Variants in ANKRD23 observed in about 807,000 individuals in gnomAD.
ANKRD23 encodes the protein ankyrin repeat domain-containing protein 23.
In ANKRD23, 52 loss-of-function variants were observed where a neutral mutation model predicts 38.1. The observed-to-expected ratio is 1.36, with a 90% CI of 1.09 to 1.72. The LOEUF is 1.72. Among genes scored for constraint, ANKRD23 ranks in the 40% most tolerant of loss-of-function variants. The pLI is 0.00. For synonymous variants in ANKRD23, 167 were observed against 162.9 expected (o/e 1.03, Z -0.19); for missense variants, 416 against 400.2 (o/e 1.04, Z -0.34).
intron 3 of ANKRD23, chr2:96,841,208 TTAAGA>T (rs2079756829): frequency 3.0e-6 from 1 of 338,202 alleles, no homozygotes; most frequent in Non-Finnish European, 5.5e-6. Context: ...ATGTAATTAG[TTAAGA>T]TGAGGTCACA....
At position 96,839,061 on chromosome 2, in the gene ANKRD23, G is replaced by A; in HGVS notation, c.*488C>T. The A allele has an allele frequency of 1.0e-6, 1 of 986,922 alleles. No individual in the cohort carries two copies. The highest frequency in any genetic ancestry group is 1.2e-6 in the Non-Finnish European group (1 of 831,026). The allele number at this position is 986,922 out of a possible 1,614,324, so 61.1% of individuals were successfully genotyped here. A position where few individuals can be genotyped will look rare whatever the true frequency, so the allele number is the denominator to read the frequency against. ...GACAGGCCCGGCCCCTGCATGGCCT[G>A]CCTTGGCTGCACCTTGTACATCCTG... is the stretch of plus-strand genomic sequence containing the variant. On this transcript the variant is annotated 3_prime_UTR_variant, in exon 9 of 9. Transcript: ENST00000318357.
chr2:96,839,930 C>T, intron 7 of ANKRD23, 67 bp downstream of exon 7: 1 of 1,549,732 alleles, frequency 6.5e-7, no homozygotes, highest in Non-Finnish European at 8.7e-7. Context: ...CTGGTCCTGG[C>T]TGGGGCTCCT....
chr2:96,838,010 C>T lies in ANKRD23; in HGVS notation c.*1539G>A, dbSNP rs111495538. The T allele has an allele frequency of 0.016, 2,397 of 152,416 alleles. 30 individuals carry two copies. The highest frequency in any genetic ancestry group is 0.025 in the Non-Finnish European group (1,669 of 68,060). 9.4% of individuals were successfully genotyped at this position (152,416 alleles called of 1,614,324 possible). ...CCTCATTTTCTAGATGAGGAGTTGT[C>T]TTCTCCATGGTCTTGAACGCCTGCT... On this transcript the variant is annotated 3_prime_UTR_variant, in exon 9 of 9. Transcript: ENST00000318357.
intron 7 of ANKRD23, 56 bp downstream of exon 7, chr2:96,839,941 C>G: frequency 6.5e-7 from 1 of 1,549,932 alleles, no homozygotes; most frequent in Non-Finnish European, 8.7e-7. Context: ...TGGGGCTCCT[C>G]AGTCCCTGCT....
intron 7 of ANKRD23, 30 bp downstream of exon 7, chr2:96,839,967 G>C (rs373335348): frequency 1.9e-6 from 3 of 1,551,404 alleles, no homozygotes; most frequent in South Asian, 1.2e-5. Flanking sequence ...GGAGCTGTCC[G>C]AGCCGGAAAA....
In ANKRD23 at chr2:96,839,333, A is replaced by C; in HGVS notation, c.*216T>G. The C allele has an allele frequency of 2.4e-6, 3 of 1,245,288 alleles. No individual in the cohort carries two copies. The highest frequency in any genetic ancestry group is 3.0e-6 in the Non-Finnish European group (3 of 996,502). 77.1% of individuals were successfully genotyped at this position (1,245,288 alleles called of 1,614,324 possible). On this transcript the variant is annotated 3_prime_UTR_variant, in exon 9 of 9. Coordinates refer to ENST00000318357, the MANE Select transcript of ANKRD23 (RefSeq NM_144994.8). ...TCCTCTGCTCCAGCCCTGGGAGGGA[A>C]CGCGGCTCCCCTGACACTCGAAGCC...
At position 96,840,832 on chromosome 2, in the gene ANKRD23, A is replaced by T. The variant is rs1012077666; in HGVS notation, c.381T>A (p.Ile127=). ...CCCCTCCGTCTGTCAAGTACTTGTCAATCAGGTACTCCTGGTTCTCAGCAG... is the reference window on the plus strand; with the variant it reads ...CCCCTCCGTCTGTCAAGTACTTGTCTATCAGGTACTCCTGGTTCTCAGCAG... ...KAAAENQEYL[I]DKYLTDGGDP... Residue 127 remains isoleucine, a synonymous_variant, in exon 4 of 9, where the codon ATT becomes ATA. Transcript: ENST00000318357. 3 of 1,614,046 alleles carry T rather than the reference A, an allele frequency of 1.9e-6. No homozygotes were observed. The African/African-American group carries it at 4.0e-5, about 22-fold the overall frequency.
chr2:96,839,670 C>T (rs570371939), intron 8 of ANKRD23, 26 bp from the exon 9 acceptor site: 31 of 1,580,734 alleles, frequency 2.0e-5, no homozygotes, highest in Non-Finnish European at 2.6e-5. Context: ...TGGGTCAGTC[C>T]CTTGCAGGCG....
At position 96,838,601 on chromosome 2, in the gene ANKRD23, G is replaced by A. The variant is rs1393811894; in HGVS notation, c.*948C>T. On this transcript the variant is annotated 3_prime_UTR_variant, in exon 9 of 9. Coordinates refer to ENST00000318357, the MANE Select transcript of ANKRD23 (RefSeq NM_144994.8). The stretch of plus-strand genomic sequence containing the variant: ...TGCAGCTGCAGCGTTCCAGGCAAGA[G>A]CTCAAGCTCCAGTACCAGGAACATA... The A allele has an allele frequency of 2.0e-6, 2 of 985,616 alleles. No homozygotes were observed. Among genetic ancestry groups the A allele is most frequent in the Non-Finnish European group, 2.4e-6 (2 of 830,220 alleles). 61.1% of individuals were successfully genotyped at this position (985,616 alleles called of 1,614,324 possible).
At chr2:96,841,467 C>T (rs1339817679) in intron 3 of ANKRD23, among the ~76,000 whole-genome samples, 1 of 151,772 alleles carries the variant, frequency 6.6e-6, no homozygotes, top group Non-Finnish European at 1.5e-5. Flanking sequence ...GGCGTGGTGG[C>T]GGGTGCCTGT....
chr2:96,838,417 A>C lies in ANKRD23; in HGVS notation c.*1132T>G, dbSNP rs190549652. On this transcript the variant is annotated 3_prime_UTR_variant, in exon 9 of 9. Coordinates refer to ENST00000318357, the MANE Select transcript of ANKRD23 (RefSeq NM_144994.8). ...ATTTGAAACGTACAGACGGTGGAAG[A>C]GGAAGTCTAGGGAGCTTGGGTCCTT... 1 of 988,136 alleles carries C rather than the reference A, an allele frequency of 1.0e-6. No individual in the cohort carries two copies. The highest frequency in any genetic ancestry group is 1.7e-5 in the African/African-American group (1 of 57,418). The allele number at this position is 988,136 out of a possible 1,614,324, so 61.2% of individuals were successfully genotyped here.
chr2:96,839,666 A>T (rs1370092445), intron 8 of ANKRD23, 22 bp from the exon 9 acceptor site: 1 of 1,575,270 alleles, frequency 6.3e-7, no homozygotes, highest in Admixed American at 1.8e-5. Flanking sequence ...GGTGTGGGTC[A>T]GTCCCTTGCA....
At chr2:96,839,974 A>G in intron 7 of ANKRD23, 23 bp downstream of exon 7, 1 of 1,551,878 alleles carries the variant, frequency 6.4e-7, no homozygotes, top group Non-Finnish European at 8.7e-7. Context: ...TCCGAGCCGG[A>G]AAAGACCAAG....
intron 4 of ANKRD23, 45 bp downstream of exon 4, chr2:96,840,742 C>T: frequency 6.2e-7 from 1 of 1,611,622 alleles, no homozygotes; most frequent in Non-Finnish European, 8.5e-7. Flanking sequence ...GGCAGCGCTC[C>T]TGCAGCTGCA....
chr2:96,839,475 GGT>G lies in ANKRD23; in HGVS notation c.*72_*73del, dbSNP rs1250083440. ...CAGGGCTGAGGGCAGGAACCACAGA[GGT>G]GCAGACGCGGGGGCGGGGCACAGGA... is the stretch of plus-strand genomic sequence containing the variant. On this transcript the variant is annotated 3_prime_UTR_variant, in exon 9 of 9. Coordinates refer to ENST00000318357, the MANE Select transcript of ANKRD23 (RefSeq NM_144994.8). 7.2e-7 allele frequency: 1 copy of G among 1,391,884 alleles called. No homozygotes were observed. Among genetic ancestry groups the G allele is most frequent in the Non-Finnish European group, 9.3e-7 (1 of 1,078,872 alleles). The allele number at this position is 1,391,884 out of a possible 1,614,324, so 86.2% of individuals were successfully genotyped here.
rs1175327457 is a variant in ANKRD23, at chr2:96,838,008, G to GTCT, written c.*1538_*1540dup. The GTCT allele has an allele frequency of 6.6e-6, 1 of 152,312 alleles. No homozygotes were observed. Among genetic ancestry groups the GTCT allele is most frequent in the Non-Finnish European group, 1.5e-5 (1 of 68,072 alleles). The allele number at this position is 152,312 out of a possible 1,614,324, so 9.4% of individuals were successfully genotyped here. A position where few individuals can be genotyped will look rare whatever the true frequency, so the allele number is the denominator to read the frequency against. ...GTCCTCATTTTCTAGATGAGGAGTT[G>GTCT]TCTTCTCCATGGTCTTGAACGCCTG... On this transcript the variant is annotated 3_prime_UTR_variant, in exon 9 of 9. Coordinates refer to ENST00000318357, the MANE Select transcript of ANKRD23 (RefSeq NM_144994.8).
chr2:96,842,547 A>G, intron 1 of ANKRD23, 36 bp from the exon 2 acceptor site: 2 of 1,584,708 alleles, frequency 1.3e-6, no homozygotes, highest in South Asian at 1.2e-5. Context: ...AGTTGGGAAA[A>G]TTGGAGGAAC....
At chr2:96,842,587 G>T in intron 1 of ANKRD23, 76 bp from the exon 2 acceptor site, 1 of 1,521,324 alleles carries the variant, frequency 6.6e-7, no homozygotes, top group South Asian at 1.3e-5. Context: ...GGAGTAGCAG[G>T]GAGCTGTCTT....
intron 8 of ANKRD23, 26 bp downstream of exon 8, chr2:96,839,701 G>A (rs752606484): frequency 6.2e-7 from 1 of 1,607,010 alleles, no homozygotes; most frequent in South Asian, 1.1e-5. Flanking sequence ...CCTCGGGTCA[G>A]GAGCCAGGGC....
Sources: allele counts gnomAD v4.1 joint callset (sites outside exome capture counted in the v4.1 genomes callset), GRCh38; gene constraint gnomAD v4.1.1; transcripts MANE v1.5; gene names NCBI Gene and HGNC (gene_info 2026-07-23, HGNC 2026-07-21).